Variants in MGRN1 observed in about 807,000 individuals in gnomAD.
The protein encoded by MGRN1 is mahogunin ring finger 1.
MGRN1 carries 29 observed loss-of-function variants against 69.2 expected under a neutral mutation model. The observed-to-expected ratio is 0.42, with a 90% CI of 0.31 to 0.57. The LOEUF is 0.57. Among genes scored for constraint, MGRN1 ranks in the 20% least tolerant of loss-of-function variants. The pLI, the probability that MGRN1 is intolerant of heterozygous loss-of-function variation, is 0.15. For missense variants in MGRN1, 998 were observed against 796.2 expected (o/e 1.25, Z -3.05); for synonymous variants, 470 against 344.2 (o/e 1.37, Z -4.04).
At chr16:4,671,708 G>T (rs1371611727) in intron 9 of MGRN1, among the ~76,000 whole-genome samples, 1 of 152,122 alleles carries the variant, frequency 6.6e-6, no homozygotes, top group Non-Finnish European at 1.5e-5. Flanking sequence ...CAGGAATGGG[G>T]GCCAGTGTCT....
chr16:4,688,850 G>A lies in MGRN1; in HGVS notation c.1673G>A (p.Trp558Ter), dbSNP rs1291048010. Residue 558 changes from tryptophan (W) to a stop codon, truncating the protein, a stop_gained, in exon 17 of 17, where the codon TGG becomes TAG. Transcript: ENST00000262370. LOFTEE classifies it high-confidence loss of function. ...AHGLATTSPT[W>*]PPLGGPSPDP... ...GGCCTCGCCACCACCAGCCCCACCT[G>A]GCCTCCACTTGGTGGCCCCAGCCCC... 1.3e-6 allele frequency: 2 copies of A among 1,555,372 alleles called. No homozygotes were observed. The highest frequency in any genetic ancestry group is 2.4e-5 in the South Asian group (2 of 84,740).
intron 1 of MGRN1, 129 bp from the exon 2 acceptor site, chr16:4,650,236 G>C (rs1220228085): frequency 1.5e-6 from 1 of 656,094 alleles, no homozygotes; most frequent in East Asian, 3.0e-5. Flanking sequence ...CCGGTGGGCG[G>C]AGCTTGCAGT....
chr16:4,639,168 G>C (rs1163358981), intron 1 of MGRN1, among the ~76,000 whole-genome samples: 1 of 152,118 alleles, frequency 6.6e-6, no homozygotes, highest in Non-Finnish European at 1.5e-5. Context: ...GAGGTCATGA[G>C]GATGCGGGGC....
intron 1 of MGRN1, among the ~76,000 whole-genome samples, chr16:4,634,047 C>T (rs1296080864): frequency 6.6e-6 from 1 of 152,178 alleles, no homozygotes; most frequent in Non-Finnish European, 1.5e-5. Flanking sequence ...TTGCAGCTGC[C>T]ATTGGGGGCA....
chr16:4,648,015 C>A (rs915105843), intron 1 of MGRN1, among the ~76,000 whole-genome samples: 13 of 152,130 alleles, frequency 8.5e-5, no homozygotes, highest in Admixed American at 7.2e-4. Context: ...AGGACACAGA[C>A]CATGCAGCGC....
In MGRN1 at chr16:4,670,655, G is replaced by A. The variant is rs567135364; in HGVS notation, c.727-736G>A. ...GGATTGCTTGAGCCTGGGGATTCCAGACCAGCCTGGGCAATGTAGCGAGAT... is the reference window on the plus strand; with the variant it reads ...GGATTGCTTGAGCCTGGGGATTCCAAACCAGCCTGGGCAATGTAGCGAGAT... On this transcript the variant is annotated intron_variant, in intron 8 of 16. Coordinates refer to ENST00000262370, the MANE Select transcript of MGRN1 (RefSeq NM_015246.4). 1.1e-4 allele frequency among the ~76,000 whole-genome samples: 16 copies of A among 152,376 alleles called. No homozygotes were observed. In the East Asian group the frequency reaches 1.2e-3, roughly 11 times the overall value.
intron 8 of MGRN1, among the ~76,000 whole-genome samples, chr16:4,669,431 C>CCAAAAAAAAAAA (rs2078889896): frequency 2.1e-5 from 2 of 93,024 alleles, no homozygotes; most frequent in Non-Finnish European, 4.2e-5. Flanking sequence ...AAGACTGTGT[C>CCAAAAAAAAAAA]AAAAAAAAAA....
intron 1 of MGRN1, among the ~76,000 whole-genome samples, chr16:4,629,063 C>A (rs974604066): frequency 1.3e-5 from 2 of 151,880 alleles, no homozygotes; most frequent in African/African-American, 4.8e-5. Context: ...TTTCGAACTC[C>A]CGACCTCAGG....
In MGRN1 at chr16:4,642,466, T is replaced by TTGTGTGTGTGTG. The variant is rs143119735; in HGVS notation, c.89-7875_89-7864dup. ...GCATGCACCACCACGGCCAGCTAAT[T>TTGTGTGTGTGTG]TGTGTGTGTGTGTGTGTGTGTGTGT... On this transcript the variant is annotated intron_variant, in intron 1 of 16. Transcript: ENST00000262370. Among the ~76,000 whole-genome samples, 1,233 of 141,810 alleles carry TTGTGTGTGTGTG rather than the reference T, an allele frequency of 8.7e-3. 24 individuals are homozygous for TTGTGTGTGTGTG. Among genetic ancestry groups the TTGTGTGTGTGTG allele is most frequent in the African/African-American group, 0.03 (1,107 of 37,492 alleles). The allele number at this position is 141,810 out of a possible 152,430, so 93.0% of individuals were successfully genotyped here.
intron 16 of MGRN1, chr16:4,686,385 G>A (rs2079319745): frequency 3.7e-5 from 56 of 1,502,456 alleles, no homozygotes; most frequent in Non-Finnish European, 4.9e-5. Flanking sequence ...TCTGGCGGGG[G>A]TTCCTTCTGG....
intron 1 of MGRN1, among the ~76,000 whole-genome samples, chr16:4,647,088 C>G (rs562821525): frequency 6.6e-6 from 1 of 152,380 alleles, no homozygotes; most frequent in Admixed American, 6.5e-5. Flanking sequence ...AGCAGGGTCA[C>G]TGGGCTTCCC....
intron 1 of MGRN1, among the ~76,000 whole-genome samples, chr16:4,627,825 A>G (rs888374225): frequency 1.3e-5 from 2 of 149,660 alleles, no homozygotes; most frequent in Non-Finnish European, 3.0e-5. Context: ...TCACGCCTGT[A>G]ATCCCAGCAC....
At position 4,657,323 on chromosome 16, in the gene MGRN1, C is replaced by A; in HGVS notation, c.521C>A (p.Pro174His). ...KRGVSQQFSL[P>H]SFKIDFSEWK... ...GGGGTGAGCCAGCAGTTCTCCCTGC[C>A]CTCCTTCAAGATTGACTTCTCGGAA... Residue 174 changes from proline to histidine, a missense_variant, in exon 5 of 17, where the codon CCC becomes CAC. By Grantham distance (77) the Pro-to-His change is moderately conservative. Transcript: ENST00000262370. The A allele has an allele frequency of 6.2e-7, 1 of 1,614,158 alleles. No homozygotes were observed. Among genetic ancestry groups the A allele is most frequent in the Non-Finnish European group, 8.5e-7 (1 of 1,179,978 alleles).
rs2079426466 is a variant in MGRN1 at position 4,690,214 on chromosome 16, TG to T, written c.*1307del. ...GCGACCTCGTCCTGTTTTTTTTGTT[TG>T]TTTGTTTGTTTTTTTAAAGGTAAAC... is the stretch of plus-strand genomic sequence containing the variant. On this transcript the variant is annotated 3_prime_UTR_variant, in exon 17 of 17. Coordinates refer to ENST00000262370, the MANE Select transcript of MGRN1 (RefSeq NM_015246.4). 1 of 152,214 alleles carries T rather than the reference TG, an allele frequency of 6.6e-6. No individual in the cohort carries two copies. The highest frequency in any genetic ancestry group is 1.5e-5 in the Non-Finnish European group (1 of 68,118). 9.4% of individuals were successfully genotyped at this position (152,214 alleles called of 1,614,324 possible).
At chr16:4,669,972 G>A (rs540086301) in intron 8 of MGRN1, among the ~76,000 whole-genome samples, 13 of 151,888 alleles carry the variant, frequency 8.6e-5, no homozygotes, top group Admixed American at 4.6e-4. Context: ...CGTGTGTACT[G>A]TTGGGGCGCA....
At chr16:4,660,412 C>T (rs1206191521) in intron 5 of MGRN1, among the ~76,000 whole-genome samples, 2 of 152,244 alleles carry the variant, frequency 1.3e-5, no homozygotes, top group Non-Finnish European at 2.9e-5. Context: ...CCATCTTGCA[C>T]GCCTCCCCAG....
chr16:4,646,367 C>G (rs564225636), intron 1 of MGRN1, among the ~76,000 whole-genome samples: 1 of 151,944 alleles, frequency 6.6e-6, no homozygotes, highest in African/African-American at 2.4e-5. Flanking sequence ...AGGTCCAAGG[C>G]TGCAGTGATC....
At chr16:4,682,740 C>T in intron 13 of MGRN1, 83 bp from the exon 14 acceptor site, 1 of 1,409,568 alleles carries the variant, frequency 7.1e-7, no homozygotes, top group Non-Finnish European at 9.4e-7. Flanking sequence ...CAGGGGCCCC[C>T]AGGTGCCCTG....
At chr16:4,660,562 C>T (rs1055359852) in intron 5 of MGRN1, among the ~76,000 whole-genome samples, 2 of 152,214 alleles carry the variant, frequency 1.3e-5, no homozygotes, top group Admixed American at 6.5e-5. Context: ...GCTGGCTGCG[C>T]GGATGCATTC....
Sources: allele counts gnomAD v4.1 joint callset (sites outside exome capture counted in the v4.1 genomes callset), GRCh38; gene constraint gnomAD v4.1.1; transcripts MANE v1.5; gene names NCBI Gene and HGNC (gene_info 2026-07-23, HGNC 2026-07-21).